The following ITPR2 variants were observed in gnomAD, a reference collection of about 807,000 sequenced individuals.
The protein encoded by ITPR2 is inositol 1,4,5-trisphosphate-gated calcium channel ITPR2.
Under a neutral mutation model 317.1 loss-of-function variants are expected in ITPR2, and 207 were observed. That is an observed-to-expected ratio of 0.65 (90% CI 0.58 to 0.73). ITPR2 has a LOEUF of 0.73. Ranked by LOEUF, ITPR2 falls within the 30% of genes least tolerant of loss-of-function variation. The pLI, the probability that ITPR2 is intolerant of heterozygous loss-of-function variation, is 0.00. For missense variants in ITPR2, 2,613 were observed against 3,284.0 expected, an observed-to-expected ratio of 0.80 and a Z score of 4.99; for synonymous variants, 1,156 against 1,149.1, an observed-to-expected ratio of 1.01 and a Z score of -0.12.
At chr12:26,379,651 C>T (rs1325341048) in intron 55 of ITPR2, among the ~76,000 whole-genome samples, 3 of 152,152 alleles carry the variant, frequency 2.0e-5, no homozygotes, top group Non-Finnish European at 2.9e-5. Flanking sequence ...ATCCCCACCA[C>T]GCCTCCTCTG....
chr12:26,697,126 C>T lies in ITPR2; in HGVS notation c.952-1476G>A, dbSNP rs149564909. Among the ~76,000 whole-genome samples the T allele has an allele frequency of 8.6e-4, 131 of 152,300 alleles. 1 individual carries two copies. Among genetic ancestry groups the T allele is most frequent in the African/African-American group, 3.1e-3 (129 of 41,564 alleles). ...GTAGAGTCCATAGAATCCATAGAGTCGATGTCTGCTCAAATCTGGGAACTG... is the reference window on the plus strand; with the variant it reads ...GTAGAGTCCATAGAATCCATAGAGTTGATGTCTGCTCAAATCTGGGAACTG... On this transcript the variant is annotated intron_variant, in intron 9 of 56. Coordinates refer to ENST00000381340, the MANE Select transcript of ITPR2 (RefSeq NM_002223.4).
At chr12:26,462,057 C>T (rs532800957) in intron 45 of ITPR2, among the ~76,000 whole-genome samples, 1 of 151,902 alleles carries the variant, frequency 6.6e-6, no homozygotes, top group South Asian at 2.1e-4. Context: ...ACTCAAAATG[C>T]ACCAACAGCC....
chr12:26,635,942 TAG>T (rs1194620837), intron 21 of ITPR2, among the ~76,000 whole-genome samples: 22 of 152,206 alleles, frequency 1.4e-4, no homozygotes, highest in East Asian at 1.9e-4. Context: ...CACAGAGCAG[TAG>T]GTAATATGGT....
intron 53 of ITPR2, 127 bp downstream of exon 53, chr12:26,400,001 T>C (rs1275852514): frequency 1.1e-6 from 1 of 928,548 alleles, no homozygotes; most frequent in Non-Finnish European, 1.5e-6. Flanking sequence ...TTAACAGCCA[T>C]GGTTATACTT....
intron 46 of ITPR2, 90 bp downstream of exon 46, chr12:26,443,453 G>T: frequency 1.0e-6 from 1 of 988,626 alleles, no homozygotes; most frequent in Non-Finnish European, 1.5e-6. Flanking sequence ...CTGCATCATT[G>T]CTCTAGAAAA....
chr12:26,799,446 C>A (rs1042827652), intron 1 of ITPR2, among the ~76,000 whole-genome samples: 17 of 152,140 alleles, frequency 1.1e-4, no homozygotes, highest in African/African-American at 4.1e-4. Flanking sequence ...TAAAGCACTG[C>A]AAGAAGCCAT....
At chr12:26,660,211 T>G (rs771605246) in intron 15 of ITPR2, among the ~76,000 whole-genome samples, 3 of 152,154 alleles carry the variant, frequency 2.0e-5, no homozygotes, top group Non-Finnish European at 2.9e-5. Context: ...AGTCGAAGTT[T>G]GAGAGGTAGG....
rs548621658 is a variant in ITPR2 at position 26,645,862 on chromosome 12, A to G, written c.2740+8114T>C. The stretch of plus-strand genomic sequence containing the variant: ...TGTGTTCTTTGGTTTTGATCCTTAT[A>G]CTAAACCCTTTTCTATTCTTTCTGA... On this transcript the variant is annotated intron_variant, in intron 21 of 56. Transcript: ENST00000381340. 2.6e-5 allele frequency among the ~76,000 whole-genome samples: 4 copies of G among 151,816 alleles called. No homozygotes were observed. The South Asian group carries it at 8.3e-4, about 32-fold the overall frequency.
At chr12:26,575,515 C>T (rs965013217) in intron 34 of ITPR2, among the ~76,000 whole-genome samples, 2 of 152,002 alleles carry the variant, frequency 1.3e-5, no homozygotes, top group African/African-American at 4.8e-5. Flanking sequence ...ACGAAGAAGG[C>T]ATGCCTTCTC....
chr12:26,609,095 G>A (rs191141642), intron 26 of ITPR2, among the ~76,000 whole-genome samples: 2 of 152,292 alleles, frequency 1.3e-5, no homozygotes, highest in African/African-American at 4.8e-5. Context: ...AAGAAGGGGG[G>A]TGTATGTATA....
intron 2 of ITPR2, among the ~76,000 whole-genome samples, chr12:26,730,691 TTTTA>T (rs1444577098): frequency 1.3e-5 from 2 of 152,178 alleles, no homozygotes; most frequent in Non-Finnish European, 2.9e-5. Context: ...GAATTACAAC[TTTTA>T]TTTATTTATT....
intron 43 of ITPR2, among the ~76,000 whole-genome samples, chr12:26,478,998 T>C (rs1942481464): frequency 6.6e-6 from 1 of 151,896 alleles, no homozygotes; most frequent in Non-Finnish European, 1.5e-5. Flanking sequence ...TTAAAGATAA[T>C]TTATTATTTA....
chr12:26,654,169 T>C, intron 20 of ITPR2, 43 bp from the exon 21 acceptor site: 1 of 1,476,190 alleles, frequency 6.8e-7, no homozygotes, highest in Non-Finnish European at 9.0e-7. Flanking sequence ...GGTGAAAGAG[T>C]GGAAAAAAAA....
chr12:26,695,269 A>AT (rs1948318799), intron 10 of ITPR2, among the ~76,000 whole-genome samples: 1 of 152,206 alleles, frequency 6.6e-6, no homozygotes, highest in Non-Finnish European at 1.5e-5. Context: ...TTTTGATTGA[A>AT]TAAAGAAGCC....
intron 13 of ITPR2, 78 bp downstream of exon 13, chr12:26,681,796 A>G (rs1948035195): frequency 9.9e-7 from 1 of 1,013,012 alleles, no homozygotes; most frequent in African/African-American, 1.6e-5. Flanking sequence ...ATTCCCTTAG[A>G]GTCATTCATT....
chr12:26,804,389 A>G (rs1374010690), intron 1 of ITPR2, among the ~76,000 whole-genome samples: 1 of 152,218 alleles, frequency 6.6e-6, no homozygotes, highest in African/African-American at 2.4e-5. Flanking sequence ...CTAGAATGAC[A>G]GATATACCTT....
intron 52 of ITPR2, among the ~76,000 whole-genome samples, chr12:26,410,602 C>G (rs1286983141): frequency 6.6e-6 from 1 of 152,166 alleles, no homozygotes. Flanking sequence ...CACATCAACT[C>G]CTACTAAATC....
At chr12:26,795,579 A>T (rs1950420799) in intron 1 of ITPR2, among the ~76,000 whole-genome samples, 2 of 152,216 alleles carry the variant, frequency 1.3e-5, no homozygotes, top group South Asian at 4.1e-4. Flanking sequence ...AAGACCGATA[A>T]GTTTGTCTAC....
intron 37 of ITPR2, among the ~76,000 whole-genome samples, chr12:26,506,933 G>A (rs1489541334): frequency 6.7e-6 from 1 of 150,206 alleles, no homozygotes; most frequent in Non-Finnish European, 1.5e-5. Context: ...GTTTGAATGT[G>A]TCATAATTTA....
Sources: allele counts gnomAD v4.1 joint callset (sites outside exome capture counted in the v4.1 genomes callset), GRCh38; gene constraint gnomAD v4.1.1; transcripts MANE v1.5; gene names NCBI Gene and HGNC (gene_info 2026-07-23, HGNC 2026-07-21).